Variants in CCDC90B observed in about 807,000 individuals in gnomAD.
CCDC90B encodes coiled-coil domain-containing protein 90B, mitochondrial.
In CCDC90B, 24 loss-of-function variants were observed where a neutral mutation model predicts 37.0. That is an observed-to-expected ratio of 0.65 (90% CI 0.47 to 0.91). The LOEUF (loss-of-function observed/expected upper bound fraction) is 0.91, where lower values mean the gene tolerates loss of function less well. Among genes scored for constraint, CCDC90B ranks in the 40% least tolerant of loss-of-function variants. The pLI, the probability that CCDC90B is intolerant of heterozygous loss-of-function variation, is 0.00. For missense variants in CCDC90B, 319 were observed against 299.0 expected, an observed-to-expected ratio of 1.07 and a Z score of -0.49; for synonymous variants, 113 against 101.1, an observed-to-expected ratio of 1.12 and a Z score of -0.71.
Position 83,273,959 on chromosome 11 carries a change from GTTGC to G in CCDC90B, c.456_459del (p.Lys152AsnfsTer3). The G allele has an allele frequency of 1.3e-6, 2 of 1,589,450 alleles. No homozygotes were observed. The highest frequency in any genetic ancestry group is 8.6e-7 in the Non-Finnish European group (1 of 1,169,362). Reference sequence around the variant, plus strand: ...AAAAAAAATTCACTTACCATTAGTTGTTGCTTAACTTGGTCTAATTCAATTTTCA... The same window carrying G: ...AAAAAAAATTCACTTACCATTAGTTGTTAACTTGGTCTAATTCAATTTTCA... On this transcript the variant is annotated frameshift_variant, in exon 5 of 9. Coordinates refer to ENST00000529689, the MANE Select transcript of CCDC90B (RefSeq NM_021825.5). LOFTEE classifies it high-confidence loss of function.
Position 83,264,372 on chromosome 11 carries a change from C to A in CCDC90B, c.709+1493G>T, listed in dbSNP as rs185125347. 6.8e-4 allele frequency among the ~76,000 whole-genome samples: 104 copies of A among 152,210 alleles called. 2 individuals carry two copies. Among genetic ancestry groups the A allele is most frequent in the African/African-American group, 2.4e-3 (101 of 41,542 alleles). ...AAGAAGTATATAAGATGTTTATATA[C>A]AGAAGAAAAAGCCTAGAAAATGTTT... On this transcript the variant is annotated intron_variant, in intron 8 of 8. Transcript: ENST00000529689.
chr11:83,278,854 A>T (rs1430082456), intron 2 of CCDC90B, 25 bp from the exon 3 acceptor site: 1 of 1,441,978 alleles, frequency 6.9e-7, no homozygotes. Context: ...TAGGTATTTT[A>T]TTTTTTTTAA....
chr11:83,285,470 G>C (rs1865625219), intron 1 of CCDC90B: 1 of 1,113,152 alleles, frequency 9.0e-7, no homozygotes, highest in African/African-American at 1.7e-5. Context: ...AAAAACCTGG[G>C]CTCGAGGCCA....
At position 83,272,887 on chromosome 11, in the gene CCDC90B, GAGA is replaced by G. The variant is rs1202975155; in HGVS notation, c.594+757_594+759del. Among the ~76,000 whole-genome samples, 3 of 152,154 alleles carry G rather than the reference GAGA, an allele frequency of 2.0e-5. No individual in the cohort carries two copies. In the South Asian group the frequency reaches 6.2e-4, roughly 32 times the overall value. The stretch of plus-strand genomic sequence containing the variant: ...GTCATGATTACATTGTAGGATTACT[GAGA>G]AGGAGAGCAGTAGTTCCAAGTTAGG... On this transcript the variant is annotated intron_variant, in intron 7 of 8. Coordinates refer to ENST00000529689, the MANE Select transcript of CCDC90B (RefSeq NM_021825.5).
At chr11:83,271,469 C>T (rs1288175955) in intron 7 of CCDC90B, among the ~76,000 whole-genome samples, 3 of 152,210 alleles carry the variant, frequency 2.0e-5, no homozygotes, top group African/African-American at 4.8e-5. Context: ...TGAACAGACG[C>T]TTCTCAAAAG....
chr11:83,280,151 C>A lies in CCDC90B; in HGVS notation c.210G>T (p.Leu70Phe). The change falls in exon 2 of 9, where the codon TTG becomes TTT. Residue 70 changes from leucine (L) to phenylalanine (F), a missense_variant. Physicochemically the swap from Leu to Phe is conservative, Grantham distance 22. Transcript: ENST00000529689. ...TFDTHALVQD[L>F]ETHGFDKTQA... ...ATCCATGTTTCTCACCATGAGTTTC[C>A]AAGTCCTGAACCAATGCATGGGTAT... 1.9e-6 allele frequency: 3 copies of A among 1,607,914 alleles called. No individual in the cohort carries two copies. Among genetic ancestry groups the A allele is most frequent in the Non-Finnish European group, 2.5e-6 (3 of 1,177,988 alleles).
intron 2 of CCDC90B, 50 bp from the exon 3 acceptor site, chr11:83,278,879 T>C (rs373329593): frequency 4.9e-5 from 50 of 1,025,926 alleles, no homozygotes; most frequent in Non-Finnish European, 7.0e-5. Context: ...TATATCCTTA[T>C]CAAAATAGAC....
In CCDC90B at chr11:83,273,882, A is replaced by G. The variant is rs756469287; in HGVS notation, c.469-18T>C. 7 of 1,597,582 alleles carry G rather than the reference A, an allele frequency of 4.4e-6. No homozygotes were observed. The East Asian group carries it at 1.3e-4, about 31-fold the overall frequency. On this transcript the variant is annotated intron_variant, in intron 5 of 8. Coordinates refer to ENST00000529689, the MANE Select transcript of CCDC90B (RefSeq NM_021825.5). ...GTTTCATGCTTTAAAGAAAGCAAAG[A>G]TATTTAAAAAATGATCTTGTAACGA...
chr11:83,284,245 T>C (rs1355613574), intron 1 of CCDC90B, among the ~76,000 whole-genome samples: 6 of 152,226 alleles, frequency 3.9e-5, no homozygotes, highest in African/African-American at 1.2e-4. Context: ...TACTAAGTCA[T>C]AGATTGTGGA....
intron 7 of CCDC90B, among the ~76,000 whole-genome samples, chr11:83,270,936 A>G (rs185568695): frequency 0.011 from 1,667 of 152,300 alleles, 68 homozygotes; most frequent in Admixed American, 0.062. Context: ...ATACAGACCA[A>G]TGGAACAGAA....
In CCDC90B at chr11:83,266,004, C is replaced by T. The variant is rs760009921; in HGVS notation, c.595-25G>A. The T allele has an allele frequency of 3.1e-6, 4 of 1,274,618 alleles. No individual in the cohort carries two copies. In the African/African-American group the frequency reaches 5.9e-5, roughly 19 times the overall value. The allele number at this position is 1,274,618 out of a possible 1,614,324, so 79.0% of individuals were successfully genotyped here. Reference sequence around the variant, plus strand: ...CCTGTGGTAAACCAGAATAAGAGAACTTAATTTTGTCCCTATGTATTAAAT... The same window carrying T: ...CCTGTGGTAAACCAGAATAAGAGAATTTAATTTTGTCCCTATGTATTAAAT... On this transcript the variant is annotated intron_variant, in intron 7 of 8. Coordinates refer to ENST00000529689, the MANE Select transcript of CCDC90B (RefSeq NM_021825.5).
In CCDC90B at chr11:83,286,279, C is replaced by T. The variant is rs1865689622; in HGVS notation, c.-307G>A. Reference sequence around the variant, plus strand: ...CAGAGAACCTTCCGGCGCCTGTTTCCTGGCAGTGGGGCATAGTCCAACAGC... The same window carrying T: ...CAGAGAACCTTCCGGCGCCTGTTTCTTGGCAGTGGGGCATAGTCCAACAGC... On this transcript the variant is annotated 5_prime_UTR_variant, in exon 1 of 9. Transcript: ENST00000529689. The T allele has an allele frequency of 1.6e-6, 2 of 1,285,970 alleles. No homozygotes were observed. The highest frequency in any genetic ancestry group is 2.1e-6 in the Non-Finnish European group (2 of 934,928). The allele number at this position is 1,285,970 out of a possible 1,614,324, so 79.7% of individuals were successfully genotyped here.
chr11:83,273,472 A>C lies in CCDC90B; in HGVS notation c.594+175T>G, dbSNP rs1864814706. 8.9e-6 allele frequency: 4 copies of C among 451,656 alleles called. No individual in the cohort carries two copies. In the East Asian group the frequency reaches 1.3e-4, roughly 15 times the overall value. The allele number at this position is 451,656 out of a possible 1,614,324, so 28.0% of individuals were successfully genotyped here. On this transcript the variant is annotated intron_variant, in intron 7 of 8. Coordinates refer to ENST00000529689, the MANE Select transcript of CCDC90B (RefSeq NM_021825.5). ...TCAAGGTCATGGCTCATGGGCGACC[A>C]TCTACCTGGTGCCAGGTTCCCCAAA...
rs1416242163 is a variant in CCDC90B, at chr11:83,262,054, GC to G, written c.710-89del. 4 of 866,742 alleles carry G rather than the reference GC, an allele frequency of 4.6e-6. No individual in the cohort carries two copies. In the East Asian group the frequency reaches 1.1e-4, roughly 24 times the overall value. The allele number at this position is 866,742 out of a possible 1,614,324, so 53.7% of individuals were successfully genotyped here. On this transcript the variant is annotated intron_variant, in intron 8 of 8. Coordinates refer to ENST00000529689, the MANE Select transcript of CCDC90B (RefSeq NM_021825.5). Reference sequence around the variant, plus strand: ...GAATAATGTTATCTTTAAGTGAAGAGCAAAAAACAGGAAATCCAACCAATTT... The same window carrying G: ...GAATAATGTTATCTTTAAGTGAAGAGAAAAAACAGGAAATCCAACCAATTT...
In CCDC90B at chr11:83,286,110, A is replaced by G. The variant is rs1347443853; in HGVS notation, c.-138T>C. On this transcript the variant is annotated 5_prime_UTR_variant, in exon 1 of 9. Transcript: ENST00000529689. ...CTGTCACAAGCTCACCTCCCAGCGC[A>G]GGCGCCACCGTGGTCCCACGAAACT... 1.3e-6 allele frequency: 2 copies of G among 1,536,444 alleles called. No homozygotes were observed. The highest frequency in any genetic ancestry group is 2.0e-5 in the Admixed American group (1 of 50,980).
chr11:83,277,405 T>C (rs1216240288), intron 3 of CCDC90B, among the ~76,000 whole-genome samples: 1 of 152,220 alleles, frequency 6.6e-6, no homozygotes, highest in African/African-American at 2.4e-5. Context: ...GTAAGTTAAA[T>C]GTAGGGATTG....
intron 1 of CCDC90B, among the ~76,000 whole-genome samples, chr11:83,283,650 G>A (rs146443424): frequency 1.5e-4 from 23 of 152,316 alleles, no homozygotes; most frequent in African/African-American, 4.8e-4. Context: ...GCAGTTCAGT[G>A]CATAAGCACT....
At chr11:83,266,557 C>T (rs2135595170) in intron 7 of CCDC90B, among the ~76,000 whole-genome samples, 1 of 152,354 alleles carries the variant, frequency 6.6e-6, no homozygotes, top group South Asian at 2.1e-4. Flanking sequence ...GGGGAAGGGG[C>T]ATCCGCCATT....
At chr11:83,284,522 ATAAC>A (rs1384548476) in intron 1 of CCDC90B, among the ~76,000 whole-genome samples, 1 of 152,232 alleles carries the variant, frequency 6.6e-6, no homozygotes, top group Non-Finnish European at 1.5e-5. Context: ...TTGCACTAGA[ATAAC>A]TAAGGTCCTT....
Sources: gnomAD v4.1 joint callset for allele counts (sites outside exome capture counted in the v4.1 genomes callset) on GRCh38, gnomAD v4.1.1 for gene constraint, MANE v1.5 for transcripts, NCBI Gene and HGNC (gene_info 2026-07-23, HGNC 2026-07-21) for gene names.